Variants in N4BP3 observed in about 807,000 individuals in gnomAD.
The protein encoded by N4BP3 is NEDD4 binding protein 3.
N4BP3 carries 33 observed loss-of-function variants against 43.8 expected under a neutral mutation model. The ratio of observed to expected loss-of-function variants is 0.75; its 90% CI spans 0.57 to 1.01. N4BP3 has a LOEUF of 1.01. Among genes scored for constraint, N4BP3 ranks in the 50% least tolerant of loss-of-function variants. The pLI, the probability that N4BP3 is intolerant of heterozygous loss-of-function variation, is 0.00. For missense variants in N4BP3, 756 were observed against 744.2 expected (o/e 1.02, Z -0.18); for synonymous variants, 326 against 321.9 (o/e 1.01, Z -0.14).
In N4BP3 at chr5:178,120,338, C is replaced by A. The variant is rs755138757; in HGVS notation, c.491C>A (p.Ala164Asp). The A allele has an allele frequency of 3.7e-6, 6 of 1,607,036 alleles. No homozygotes were observed. The highest frequency in any genetic ancestry group is 5.1e-6 in the Non-Finnish European group (6 of 1,176,060). ...CHPPLSPGPRASQARAQLLHA... is the reference protein window; with the variant it reads ...CHPPLSPGPRDSQARAQLLHA... Reference sequence around the variant, plus strand: ...CCGCCCCTGAGCCCCGGGCCCCGGGCCAGCCAGGCCCGGGCACAGCTGCTG... The same window carrying A: ...CCGCCCCTGAGCCCCGGGCCCCGGGACAGCCAGGCCCGGGCACAGCTGCTG... The change falls in exon 3 of 5, where the codon GCC (alanine) becomes GAC (aspartate). Residue 164 changes from alanine (A) to aspartate (D), a missense_variant. Coordinates refer to ENST00000274605, the MANE Select transcript of N4BP3 (RefSeq NM_015111.2).
chr5:178,115,720 C>A (rs1757756418), intron 1 of N4BP3, among the ~76,000 whole-genome samples: 1 of 152,226 alleles, frequency 6.6e-6, no homozygotes, highest in Admixed American at 6.5e-5. Flanking sequence ...TTTGGCGTGA[C>A]CCAAAAGGGC....
chr5:178,114,414 T>A (rs1228970942), intron 1 of N4BP3, among the ~76,000 whole-genome samples: 1 of 152,102 alleles, frequency 6.6e-6, no homozygotes, highest in African/African-American at 2.4e-5. Flanking sequence ...TAGGGGACAT[T>A]CCTAGGTCTT....
chr5:178,117,502 T>G (rs1490149316), intron 1 of N4BP3, among the ~76,000 whole-genome samples: 1 of 150,936 alleles, frequency 6.6e-6, no homozygotes, highest in Non-Finnish European at 1.5e-5. Context: ...TTTTAGCTAC[T>G]CAGGAGGCTG....
Position 178,122,070 on chromosome 5 carries a change from C to G in N4BP3, c.*69C>G, listed in dbSNP as rs1757945954. On this transcript the variant is annotated 3_prime_UTR_variant, in exon 5 of 5. Coordinates refer to ENST00000274605, the MANE Select transcript of N4BP3 (RefSeq NM_015111.2). ...CCCTGAGACGGCCGGCTCAGCCTTC[C>G]CTTGCACTGGTTGGGGTGGAACCTG... 1.3e-6 allele frequency: 2 copies of G among 1,485,182 alleles called. No homozygotes were observed. Among genetic ancestry groups the G allele is most frequent in the African/African-American group, 2.8e-5 (2 of 71,658 alleles). The allele number at this position is 1,485,182 out of a possible 1,614,324, so 92.0% of individuals were successfully genotyped here. A position where few individuals can be genotyped will look rare whatever the true frequency, so the allele number is the denominator to read the frequency against.
In N4BP3 at chr5:178,125,091, CTGAA is replaced by C. The variant is rs1561621160; in HGVS notation, c.*3093_*3096del. 6.6e-6 allele frequency: 1 copy of C among 152,312 alleles called. No individual in the cohort carries two copies. The highest frequency in any genetic ancestry group is 1.5e-5 in the Non-Finnish European group (1 of 68,136). The allele number at this position is 152,312 out of a possible 1,614,324, so 9.4% of individuals were successfully genotyped here. The stretch of plus-strand genomic sequence containing the variant: ...GTGGGGTGGATGGGGAAGACTTACT[CTGAA>C]TGTTCGTTCACCATCCGTGGGCACC... On this transcript the variant is annotated 3_prime_UTR_variant, in exon 5 of 5. Transcript: ENST00000274605.
Position 178,121,575 on chromosome 5 carries a change from A to G in N4BP3, c.1209A>G (p.Thr403=), listed in dbSNP as rs765073256. The part of the protein sequence containing the change: ...QKLAEIFSLK[T]QLRGSRAQAQ... ...TGGCGGAGATCTTCAGTCTGAAGAC[A>G]CAACTTCGGGGCAGCCGGGCACAAG... The change falls in exon 5 of 5, where the codon ACA becomes ACG. Residue 403 remains threonine, a synonymous_variant. Coordinates refer to ENST00000274605, the MANE Select transcript of N4BP3 (RefSeq NM_015111.2). 3 of 1,613,566 alleles carry G rather than the reference A, an allele frequency of 1.9e-6. No homozygotes were observed. The highest frequency in any genetic ancestry group is 3.3e-5 in the Admixed American group (2 of 60,028).
At chr5:178,115,045 A>G (rs1386164269) in intron 1 of N4BP3, among the ~76,000 whole-genome samples, 1 of 152,154 alleles carries the variant, frequency 6.6e-6, no homozygotes, top group African/African-American at 2.4e-5. Flanking sequence ...TCACTGTGGG[A>G]TCTTGGATAA....
chr5:178,115,610 T>TA (rs947862748), intron 1 of N4BP3, among the ~76,000 whole-genome samples: 21 of 152,336 alleles, frequency 1.4e-4, no homozygotes, highest in Admixed American at 9.1e-4. Flanking sequence ...AACGTGACCT[T>TA]AGGCGTGTTA....
In N4BP3 at chr5:178,124,411, C is replaced by T. The variant is rs544675530; in HGVS notation, c.*2410C>T. On this transcript the variant is annotated 3_prime_UTR_variant, in exon 5 of 5. Transcript: ENST00000274605. ...CAAACCAGTTCCTGGGTCCCCCAGC[C>T]GGCTGGGTGGCTCTGGGGCCAACCG... 4.6e-5 allele frequency: 7 copies of T among 152,612 alleles called. No homozygotes were observed. In the South Asian group the frequency reaches 6.2e-4, roughly 14 times the overall value. The allele number at this position is 152,612 out of a possible 1,614,324, so 9.5% of individuals were successfully genotyped here.
rs776502175 is a variant in N4BP3, at chr5:178,120,213, G to A, written c.366G>A (p.Ala122=). 26 of 1,590,874 alleles carry A rather than the reference G, an allele frequency of 1.6e-5. No individual in the cohort carries two copies. The highest frequency in any genetic ancestry group is 1.7e-4 in the Middle Eastern group (1 of 5,982). Residue 122 remains alanine, a synonymous_variant, in exon 3 of 5, where the codon GCG becomes GCA. Coordinates refer to ENST00000274605, the MANE Select transcript of N4BP3 (RefSeq NM_015111.2). ...RIRPSVFKPT[A]GNGKGFLSMQ... ...GCCCCTCAGTGTTCAAGCCTACGGC[G>A]GGCAACGGGAAAGGCTTCCTATCCA...
At chr5:178,115,785 C>T (rs940057962) in intron 1 of N4BP3, among the ~76,000 whole-genome samples, 1 of 152,214 alleles carries the variant, frequency 6.6e-6, no homozygotes, top group Non-Finnish European at 1.5e-5. Flanking sequence ...TCCTTCTTTG[C>T]TTCCTGGCCA....
chr5:178,118,897 C>T lies in N4BP3; in HGVS notation c.-30-657C>T, dbSNP rs1238281916. On this transcript the variant is annotated intron_variant, in intron 1 of 4. Coordinates refer to ENST00000274605, the MANE Select transcript of N4BP3 (RefSeq NM_015111.2). The surrounding 1 kb of genome is among the most constrained non-coding windows in gnomAD (Gnocchi z 5.4). The stretch of plus-strand genomic sequence containing the variant: ...TTTTTTTTTTTTGAGATGGAGTCTC[C>T]CTCTGTCGCCCATGCTGGAGTGCAG... Among the ~76,000 whole-genome samples the T allele has an allele frequency of 2.7e-5, 4 of 150,926 alleles. No homozygotes were observed. In the South Asian group the frequency reaches 6.3e-4, roughly 24 times the overall value.
At chr5:178,121,406 C>T in intron 4 of N4BP3, 54 bp downstream of exon 4, 1 of 1,612,768 alleles carries the variant, frequency 6.2e-7, no homozygotes, top group Non-Finnish European at 8.5e-7. Flanking sequence ...CCGGTCCCTT[C>T]TTCTGCCTGC....
chr5:178,119,740 C>T lies in N4BP3; in HGVS notation c.157C>T (p.Arg53Cys), dbSNP rs751253637. The T allele has an allele frequency of 1.1e-5, 18 of 1,613,408 alleles. No individual in the cohort carries two copies. In the East Asian group the frequency reaches 1.6e-4, roughly 14 times the overall value. ...GCTCCTCCGGAAGGGCTTGGGCCAG[C>T]GTGAGTTCCTCAGCTACCTGCACCT... The part of the protein sequence containing the change: ...DGLLRKGLGQ[R>C]EFLSYLHLPK... The change falls in exon 2 of 5, where the codon CGT becomes TGT. Residue 53 changes from arginine to cysteine, a missense_variant. Transcript: ENST00000274605.
rs763956091 is a variant in N4BP3 at position 178,121,091 on chromosome 5, T to C, written c.853-7T>C. 1.4e-5 allele frequency: 23 copies of C among 1,596,004 alleles called. No individual in the cohort carries two copies. In the Admixed American group the frequency reaches 3.7e-4, roughly 26 times the overall value. ...GCCACGGTGGATGCATCTCTTCCCC[T>C]TGACAGGTGCTGGAGGAGCGCCAGC... On this transcript the variant is annotated splice_polypyrimidine_tract_variant and splice_region_variant and intron_variant, in intron 3 of 4. Coordinates refer to ENST00000274605, the MANE Select transcript of N4BP3 (RefSeq NM_015111.2).
At chr5:178,116,332 A>G (rs1757771263) in intron 1 of N4BP3, among the ~76,000 whole-genome samples, 1 of 152,106 alleles carries the variant, frequency 6.6e-6, no homozygotes, top group Non-Finnish European at 1.5e-5. Flanking sequence ...TGACATACGC[A>G]GGGAGGAGTG....
At chr5:178,114,300 G>A (rs1264673007) in intron 1 of N4BP3, among the ~76,000 whole-genome samples, 1 of 152,186 alleles carries the variant, frequency 6.6e-6, no homozygotes, top group Non-Finnish European at 1.5e-5. Context: ...ATGCAACCTC[G>A]TTTGCCCCTC....
At position 178,124,659 on chromosome 5, in the gene N4BP3, A is replaced by G. The variant is rs999802728; in HGVS notation, c.*2658A>G. 1 of 153,042 alleles carries G rather than the reference A, an allele frequency of 6.5e-6. No homozygotes were observed. The highest frequency in any genetic ancestry group is 2.4e-5 in the African/African-American group (1 of 41,444). The allele number at this position is 153,042 out of a possible 1,614,324, so 9.5% of individuals were successfully genotyped here. On this transcript the variant is annotated 3_prime_UTR_variant, in exon 5 of 5. Coordinates refer to ENST00000274605, the MANE Select transcript of N4BP3 (RefSeq NM_015111.2). ...GGCCTCCAGTCCTTCACTCAGTGTC[A>G]TCCCTTCCAGCAGCTCCCTGGGCCT...
chr5:178,127,028 C>T (rs1037060307), downstream of N4BP3, among the ~76,000 whole-genome samples: 2 of 152,176 alleles, frequency 1.3e-5, no homozygotes, highest in African/African-American at 2.4e-5. Context: ...GCCTTTTCTC[C>T]TATTAATCTG....
Sources: gnomAD v4.1 joint callset for allele counts (sites outside exome capture counted in the v4.1 genomes callset) on GRCh38, gnomAD v4.1.1 for gene constraint, Gnocchi (gnomAD v3.1) non-coding constraint, MANE v1.5 for transcripts, NCBI Gene and HGNC (gene_info 2026-07-23, HGNC 2026-07-21) for gene names.